ADAMTS19: variants seen among roughly 807,000 people sequenced by gnomAD.
ADAMTS19 encodes the protein A disintegrin and metalloproteinase with thrombospondin motifs 19.
In ADAMTS19, 93 loss-of-function variants were observed where a neutral mutation model predicts 153.3. That is an observed-to-expected ratio of 0.61 (90% CI 0.51 to 0.72). The LOEUF is 0.72. Among genes scored for constraint, ADAMTS19 ranks in the 30% least tolerant of loss-of-function variants. The pLI is 0.00. For missense variants in ADAMTS19, 1,482 were observed against 1,552.1 expected, an observed-to-expected ratio of 0.95 and a Z score of 0.76; for synonymous variants, 600 against 556.6, an observed-to-expected ratio of 1.08 and a Z score of -1.10.
intron 2 of ADAMTS19, among the ~76,000 whole-genome samples, chr5:129,498,493 C>T (rs1312623712): frequency 6.6e-6 from 1 of 151,812 alleles, no homozygotes; most frequent in Non-Finnish European, 1.5e-5. Context: ...ATTACTTATT[C>T]TTTATTTGTT....
rs770350928 is a variant in ADAMTS19, at chr5:129,461,159, G to A, written c.149G>A (p.Arg50His). The A allele has an allele frequency of 2.9e-6, 4 of 1,398,198 alleles. No homozygotes were observed. The highest frequency in any genetic ancestry group is 3.2e-5 in the South Asian group (2 of 62,322). 86.6% of individuals were successfully genotyped at this position (1,398,198 alleles called of 1,614,324 possible). A position where few individuals can be genotyped will look rare whatever the true frequency, so the allele number is the denominator to read the frequency against. ...EWEVVFPALWRREPVDPAGGS... is the reference protein window; with the variant it reads ...EWEVVFPALWHREPVDPAGGS... ...GAAGTCGTGTTTCCTGCGCTCTGGC[G>A]CCGGGAGCCGGTGGACCCGGCTGGC... The change falls in exon 2 of 23, where the codon CGC (arginine) becomes CAC (histidine). Residue 50 changes from arginine to histidine, a missense_variant. This residue lies in a region of ADAMTS19 where 866 missense variants were observed against 827.7 expected (regional missense o/e 1.05). Transcript: ENST00000274487. This position sits in a 1 kb window ranked among gnomAD's most constrained non-coding sequence, Gnocchi z 4.6.
chr5:129,464,898 T>C (rs1749801356), intron 2 of ADAMTS19, among the ~76,000 whole-genome samples: 1 of 152,196 alleles, frequency 6.6e-6, no homozygotes, highest in Non-Finnish European at 1.5e-5. Context: ...AGCATGCAAA[T>C]ATACTACCAC....
At chr5:129,524,661 C>T (rs1381501347) in intron 3 of ADAMTS19, among the ~76,000 whole-genome samples, 1 of 150,316 alleles carries the variant, frequency 6.7e-6, no homozygotes, top group African/African-American at 2.4e-5. Flanking sequence ...AGACACTTCT[C>T]AAAAGAAGAC....
intron 18 of ADAMTS19, among the ~76,000 whole-genome samples, chr5:129,690,378 G>T (rs904837531): frequency 1.3e-5 from 2 of 152,182 alleles, no homozygotes; most frequent in African/African-American, 4.8e-5. Context: ...AAAGTAGGAT[G>T]AAAGCCAATT....
intron 8 of ADAMTS19, among the ~76,000 whole-genome samples, chr5:129,608,335 C>G (rs1751029391): frequency 6.6e-6 from 1 of 151,406 alleles, no homozygotes; most frequent in Admixed American, 6.6e-5. Context: ...TTACCAGGAG[C>G]TGTAGGATGA....
At chr5:129,729,005 T>TAAA (rs1472772947) in intron 21 of ADAMTS19, among the ~76,000 whole-genome samples, 1 of 152,128 alleles carries the variant, frequency 6.6e-6, no homozygotes. Flanking sequence ...TTAGAGTCTT[T>TAAA]ACTCTTAGGT....
Position 129,461,682 on chromosome 5 carries a change from A to G in ADAMTS19, c.672A>G (p.Ala224=), listed in dbSNP as rs772598611. The G allele has an allele frequency of 1.7e-5, 27 of 1,578,974 alleles. No homozygotes were observed. ...SAPQPPAPPD[A]GCFYTGAVLR... ...CGCAACCTCCCGCGCCACCAGACGC[A>G]GGCTGCTTCTACACCGGAGCTGTGC... Residue 224 remains alanine (A), a synonymous_variant, in exon 2 of 23, where the codon GCA becomes GCG. Coordinates refer to ENST00000274487, the MANE Select transcript of ADAMTS19 (RefSeq NM_133638.6). This position sits in a 1 kb window ranked among gnomAD's most constrained non-coding sequence, Gnocchi z 4.6.
rs1465686 is a variant in ADAMTS19 at position 129,737,250 on chromosome 5, G to T, written c.*32G>T. The T allele has an allele frequency of 0.93, 1,426,643 of 1,533,572 alleles. 664,098 individuals are homozygous for T. The highest frequency in any genetic ancestry group is 1 in the East Asian group (42,324 of 42,360). 95.0% of individuals were successfully genotyped at this position (1,533,572 alleles called of 1,614,324 possible). A position where few individuals can be genotyped will look rare whatever the true frequency, so the allele number is the denominator to read the frequency against. ...GCAGGCTGGCTGGATCACAGCTCTTGGCAATTACATTATTTATAAACACAC... is the reference window on the plus strand; with the variant it reads ...GCAGGCTGGCTGGATCACAGCTCTTTGCAATTACATTATTTATAAACACAC... On this transcript the variant is annotated 3_prime_UTR_variant, in exon 23 of 23. Coordinates refer to ENST00000274487, the MANE Select transcript of ADAMTS19 (RefSeq NM_133638.6).
At chr5:129,616,003 C>T (rs1364393833) in intron 8 of ADAMTS19, among the ~76,000 whole-genome samples, 1 of 151,934 alleles carries the variant, frequency 6.6e-6, no homozygotes, top group Non-Finnish European at 1.5e-5. Flanking sequence ...TGCACGACAA[C>T]GTCAAAAGGA....
intron 10 of ADAMTS19, among the ~76,000 whole-genome samples, chr5:129,622,943 T>G (rs1327180577): frequency 6.6e-6 from 1 of 152,134 alleles, no homozygotes. Flanking sequence ...GTTGGATCCC[T>G]GGATGTGGAA....
chr5:129,494,285 C>T (rs1750859398), intron 2 of ADAMTS19, among the ~76,000 whole-genome samples: 1 of 152,126 alleles, frequency 6.6e-6, no homozygotes, highest in African/African-American at 2.4e-5. Context: ...ATTTTCAGTG[C>T]TTAGCTTATC....
chr5:129,529,442 T>C (rs1752123843), intron 6 of ADAMTS19, among the ~76,000 whole-genome samples: 1 of 152,090 alleles, frequency 6.6e-6, no homozygotes, highest in African/African-American at 2.4e-5. Flanking sequence ...GGTTGAAAAA[T>C]CTCTATGCAG....
At chr5:129,537,917 G>A (rs1006276730) in intron 6 of ADAMTS19, among the ~76,000 whole-genome samples, 4 of 151,488 alleles carry the variant, frequency 2.6e-5, no homozygotes, top group Admixed American at 1.3e-4. Flanking sequence ...AAAACTTAAA[G>A]TATAATAATA....
At chr5:129,640,281 TA>T (rs771041373) in intron 10 of ADAMTS19, among the ~76,000 whole-genome samples, 2 of 152,046 alleles carry the variant, frequency 1.3e-5, no homozygotes, top group Non-Finnish European at 2.9e-5. Context: ...AAATTGTTGT[TA>T]AAAAAAGCTT....
At chr5:129,473,566 A>G (rs1450907471) in intron 2 of ADAMTS19, among the ~76,000 whole-genome samples, 3 of 152,132 alleles carry the variant, frequency 2.0e-5, no homozygotes, top group Non-Finnish European at 2.9e-5. Flanking sequence ...TAATTGACAC[A>G]TTTAAAGGTT....
At chr5:129,591,841 TG>T (rs1418178143) in intron 7 of ADAMTS19, among the ~76,000 whole-genome samples, 3 of 152,128 alleles carry the variant, frequency 2.0e-5, no homozygotes, top group Non-Finnish European at 2.9e-5. Flanking sequence ...ACTTAACTTT[TG>T]TTAGAATGCA....
intron 14 of ADAMTS19, among the ~76,000 whole-genome samples, chr5:129,654,698 A>T (rs1753466842): frequency 6.6e-6 from 1 of 152,176 alleles, no homozygotes; most frequent in South Asian, 2.1e-4. Flanking sequence ...TATATATATT[A>T]CAGGTTTAAA....
At chr5:129,470,549 T>C (rs1750027398) in intron 2 of ADAMTS19, among the ~76,000 whole-genome samples, 1 of 152,226 alleles carries the variant, frequency 6.6e-6, no homozygotes, top group African/African-American at 2.4e-5. Flanking sequence ...ATTATTCTGA[T>C]GCCAAGCCCT....
intron 18 of ADAMTS19, 96 bp downstream of exon 18, chr5:129,684,369 T>G (rs1754970847): frequency 2.1e-6 from 3 of 1,447,254 alleles, no homozygotes; most frequent in African/African-American, 1.4e-5. Flanking sequence ...TAATCTGCAA[T>G]TCCAAAATCC....
Sources: allele counts gnomAD v4.1 joint callset (sites outside exome capture counted in the v4.1 genomes callset), GRCh38; gene constraint gnomAD v4.1.1; regional missense constraint gnomAD v4.1.1; non-coding constraint Gnocchi (gnomAD v3.1); transcripts MANE v1.5; gene names NCBI Gene and HGNC (gene_info 2026-07-23, HGNC 2026-07-21).